Variants in ARMH3 observed in about 807,000 individuals in gnomAD.
ARMH3 encodes armadillo-like helical domain-containing protein 3.
Under a neutral mutation model 99.1 loss-of-function variants are expected in ARMH3, and 60 were observed. The observed-to-expected ratio is 0.61, with a 90% CI of 0.49 to 0.75. ARMH3 has a LOEUF of 0.75. Among genes scored for constraint, ARMH3 ranks in the 30% least tolerant of loss-of-function variants. The pLI, the probability that ARMH3 is intolerant of heterozygous loss-of-function variation, is 0.00. For synonymous variants in ARMH3, 285 were observed against 292.8 expected, an observed-to-expected ratio of 0.97 and a Z score of 0.27; for missense variants, 679 against 843.1, an observed-to-expected ratio of 0.81 and a Z score of 2.41.
chr10:101,979,006 C>T (rs1846125966), intron 19 of ARMH3, among the ~76,000 whole-genome samples: 1 of 151,696 alleles, frequency 6.6e-6, no homozygotes, highest in Non-Finnish European at 1.5e-5. Context: ...TAGCTGGGTG[C>T]AGTGGCATGC....
chr10:101,958,261 A>G lies in ARMH3; in HGVS notation c.1496-529T>C, dbSNP rs546752462. ...GAGGAGAGCTCATAAAGAGAAAAAA[A>G]GCCCTTAACTGCTCTAACTATTCAA... On this transcript the variant is annotated intron_variant, in intron 20 of 25. Coordinates refer to ENST00000370033, the MANE Select transcript of ARMH3 (RefSeq NM_024541.3). 3.3e-5 allele frequency among the ~76,000 whole-genome samples: 5 copies of G among 152,338 alleles called. No individual in the cohort carries two copies. The East Asian group carries it at 9.6e-4, about 29-fold the overall frequency.
chr10:102,007,174 A>AAAAAAAG (rs1554888281), intron 13 of ARMH3, among the ~76,000 whole-genome samples: 1 of 149,816 alleles, frequency 6.7e-6, no homozygotes, highest in African/African-American at 2.4e-5. Flanking sequence ...AAAAAAAAAA[A>AAAAAAAG]AAAAGAAAAA....
chr10:101,921,958 A>G (rs187256431), intron 23 of ARMH3, among the ~76,000 whole-genome samples: 32 of 152,350 alleles, frequency 2.1e-4, no homozygotes, highest in African/African-American at 2.6e-4. Flanking sequence ...AATGTACTAT[A>G]TATTTTAAAA....
At chr10:102,017,851 T>A (rs1414953968) in intron 8 of ARMH3, among the ~76,000 whole-genome samples, 3 of 152,238 alleles carry the variant, frequency 2.0e-5, no homozygotes, top group Admixed American at 1.3e-4. Context: ...AGTCCCTCTT[T>A]AAGTATTCCT....
chr10:101,899,796 C>CA (rs1294776940), intron 23 of ARMH3, among the ~76,000 whole-genome samples: 5 of 152,194 alleles, frequency 3.3e-5, no homozygotes, highest in African/African-American at 9.7e-5. Context: ...TATTTCCCTC[C>CA]ATAAATTATA....
At chr10:101,864,251 TG>T (rs2066946788) in intron 24 of ARMH3, among the ~76,000 whole-genome samples, 1 of 152,072 alleles carries the variant, frequency 6.6e-6, no homozygotes, top group South Asian at 2.1e-4. Flanking sequence ...AAACAGGTGC[TG>T]GAGAGGATGT....
chr10:102,036,879 A>G (rs561917368), intron 2 of ARMH3, among the ~76,000 whole-genome samples: 27 of 151,174 alleles, frequency 1.8e-4, no homozygotes, highest in South Asian at 6.3e-4. Flanking sequence ...AAAAAAAAAA[A>G]AAAGAAAGAA....
At chr10:101,939,965 T>G (rs1486643506) in intron 22 of ARMH3, 27 bp from the exon 23 acceptor site, 1 of 1,599,724 alleles carries the variant, frequency 6.3e-7, no homozygotes. Context: ...AACACAGATC[T>G]GTCAAACCCC....
intron 24 of ARMH3, among the ~76,000 whole-genome samples, chr10:101,882,200 G>A (rs1026835867): frequency 1.3e-5 from 2 of 152,146 alleles, no homozygotes; most frequent in Non-Finnish European, 2.9e-5. Flanking sequence ...TATTTCAAAG[G>A]CATAAAATTG....
At chr10:101,909,366 C>G (rs1471909887) in intron 23 of ARMH3, among the ~76,000 whole-genome samples, 1 of 149,948 alleles carries the variant, frequency 6.7e-6, no homozygotes, top group Non-Finnish European at 1.5e-5. Flanking sequence ...GAGATTGCAC[C>G]ACTGCACTCC....
At chr10:101,969,845 T>C (rs971937736) in intron 20 of ARMH3, among the ~76,000 whole-genome samples, 1 of 152,198 alleles carries the variant, frequency 6.6e-6, no homozygotes, top group Non-Finnish European at 1.5e-5. Flanking sequence ...TCTGGTTCCA[T>C]GATCCTTAGC....
intron 12 of ARMH3, 66 bp from the exon 13 acceptor site, chr10:102,009,515 G>C: frequency 1.5e-6 from 2 of 1,343,280 alleles, no homozygotes; most frequent in Non-Finnish European, 2.1e-6. Context: ...GTATAACCAT[G>C]AAGATAAGAT....
chr10:102,055,887 C>A (rs2067839105), intron 1 of ARMH3, among the ~76,000 whole-genome samples, 198 bp downstream of exon 1: 1 of 152,216 alleles, frequency 6.6e-6, no homozygotes, highest in South Asian at 2.1e-4. Context: ...TAGGCTCGGC[C>A]GCCCCCAGGC....
At chr10:102,036,222 CCGCCCGGCCAGCCGCCCCGT>C (rs2067263438) in intron 2 of ARMH3, among the ~76,000 whole-genome samples, 1 of 150,850 alleles carries the variant, frequency 6.6e-6, no homozygotes, top group South Asian at 2.1e-4. Context: ...GGGTCAGCCC[CCGCCCGGCCAGCCGCCCCGT>C]CCGGGAGGGA....
chr10:102,047,119 G>A (rs1449963934), intron 1 of ARMH3, among the ~76,000 whole-genome samples: 1 of 152,210 alleles, frequency 6.6e-6, no homozygotes, highest in East Asian at 1.9e-4. Context: ...CAAGTTGATA[G>A]ATGTATCCAA....
intron 23 of ARMH3, among the ~76,000 whole-genome samples, chr10:101,922,793 A>G (rs1295167096): frequency 6.6e-6 from 1 of 152,202 alleles, no homozygotes; most frequent in Non-Finnish European, 1.5e-5. Context: ...AGATCCAACT[A>G]CAGATAGCTA....
chr10:101,954,679 C>G (rs1477406638), intron 22 of ARMH3, among the ~76,000 whole-genome samples: 1 of 151,980 alleles, frequency 6.6e-6, no homozygotes, highest in Non-Finnish European at 1.5e-5. Context: ...TAAATTACGG[C>G]AAAATTTTAT....
chr10:102,018,435 TAAG>T (rs1455987712), intron 8 of ARMH3, among the ~76,000 whole-genome samples: 2 of 152,168 alleles, frequency 1.3e-5, no homozygotes, highest in East Asian at 3.8e-4. Flanking sequence ...GCAGATTGCA[TAAG>T]AAGATGTGAT....
chr10:101,871,214 T>G (rs2067124049), intron 24 of ARMH3, among the ~76,000 whole-genome samples: 1 of 152,214 alleles, frequency 6.6e-6, no homozygotes, highest in Non-Finnish European at 1.5e-5. Flanking sequence ...TATATTATGT[T>G]TACTCCATTA....
Sources: allele counts gnomAD v4.1 joint callset (sites outside exome capture counted in the v4.1 genomes callset), GRCh38; gene constraint gnomAD v4.1.1; transcripts MANE v1.5; gene names NCBI Gene and HGNC (gene_info 2026-07-23, HGNC 2026-07-21).